The following STK31 variants were observed in gnomAD, a reference collection of about 807,000 sequenced individuals.
The protein encoded by STK31 is serine/threonine kinase 31, also known as serine/threonine-protein kinase 31.
Under a neutral mutation model 129.7 loss-of-function variants are expected in STK31, and 89 were observed. That is an observed-to-expected ratio of 0.69 (90% CI 0.58 to 0.82). The LOEUF is 0.82. Among genes scored for constraint, STK31 ranks in the 40% least tolerant of loss-of-function variants. The probability of loss-of-function intolerance (pLI) is 0.00; values close to 1 mark genes in which losing one functional copy is unlikely to be tolerated. For missense variants in STK31, 1,187 were observed against 1,176.4 expected, an observed-to-expected ratio of 1.01 and a Z score of -0.13; for synonymous variants, 448 against 395.3, an observed-to-expected ratio of 1.13 and a Z score of -1.58.
intron 18 of STK31, 74 bp downstream of exon 18, chr7:23,785,677 A>T (rs1195123686): frequency 2.8e-5 from 43 of 1,516,724 alleles, no homozygotes; most frequent in Middle Eastern, 3.5e-4. Context: ...ATTTCAAGAA[A>T]GAAAAAACCT....
In STK31 at chr7:23,810,352, ATC is replaced by A. The variant is rs1266964113; in HGVS notation, c.2761-4788_2761-4787del. Among the ~76,000 whole-genome samples, 7 of 151,092 alleles carry A rather than the reference ATC, an allele frequency of 4.6e-5. No homozygotes were observed. The South Asian group carries it at 1.5e-3, about 31-fold the overall frequency. On this transcript the variant is annotated intron_variant, in intron 22 of 23. Coordinates refer to ENST00000355870, the MANE Select transcript of STK31 (RefSeq NM_031414.5). ...CATTGTTTTTTATTTACTCTTGCTG[ATC>A]TCTGTCTTTTAATTGGGGTTTTTAG...
rs568866929 is a variant in STK31, at chr7:23,726,952, A to AT, written c.250-278dup. On this transcript the variant is annotated intron_variant, in intron 4 of 23. Transcript: ENST00000355870. ...GTGTTTGATGCTTGTGCCTTAAAAA[A>AT]TTTTTTTTTTTGCTTTTTATACCCC... Among the ~76,000 whole-genome samples the AT allele has an allele frequency of 3.9e-3, 578 of 148,238 alleles. 3 individuals are homozygous for AT. The highest frequency in any genetic ancestry group is 1.0e-2 in the Admixed American group (148 of 14,830).
chr7:23,795,628 C>T (rs1338694718), intron 22 of STK31, among the ~76,000 whole-genome samples: 1 of 152,188 alleles, frequency 6.6e-6, no homozygotes, highest in Non-Finnish European at 1.5e-5. Context: ...AACAGACACT[C>T]AATGCCAGCC....
chr7:23,767,534 C>G (rs1789907176), intron 11 of STK31, among the ~76,000 whole-genome samples: 2 of 152,198 alleles, frequency 1.3e-5, no homozygotes, highest in South Asian at 4.1e-4. Context: ...TTCCCTCTGC[C>G]TCAGCTACTG....
intron 23 of STK31, among the ~76,000 whole-genome samples, chr7:23,823,046 G>A (rs187455273): frequency 1.2e-4 from 18 of 152,170 alleles, no homozygotes; most frequent in Non-Finnish European, 2.1e-4. Context: ...GAATAGTGCC[G>A]CAATAAACGT....
chr7:23,762,096 T>C (rs1206811863), intron 10 of STK31, among the ~76,000 whole-genome samples: 3 of 151,704 alleles, frequency 2.0e-5, no homozygotes, highest in Non-Finnish European at 4.4e-5. Flanking sequence ...TTTATTTCAT[T>C]TTATTATTAT....
At chr7:23,729,394 A>G (rs544159236) in intron 6 of STK31, 145 bp downstream of exon 6, 1 of 700,394 alleles carries the variant, frequency 1.4e-6, no homozygotes, top group South Asian at 2.8e-5. Flanking sequence ...AAGCAATTAT[A>G]TATTTATGCT....
At chr7:23,757,607 G>A (rs1317625498) in intron 10 of STK31, among the ~76,000 whole-genome samples, 3 of 152,150 alleles carry the variant, frequency 2.0e-5, no homozygotes, top group African/African-American at 4.8e-5. Flanking sequence ...CCTTAAGGTG[G>A]TTTTCTCCTG....
At chr7:23,715,970 T>A (rs187987291) in intron 3 of STK31, among the ~76,000 whole-genome samples, 6 of 152,302 alleles carry the variant, frequency 3.9e-5, no homozygotes, top group Non-Finnish European at 8.8e-5. Context: ...CTTCCTTTAA[T>A]GCTAATGTGT....
chr7:23,727,531 G>A, intron 5 of STK31: 1 of 342,556 alleles, frequency 2.9e-6, no homozygotes, highest in South Asian at 4.7e-5. Flanking sequence ...GTTATTTTTG[G>A]TGACTAGTTA....
intron 12 of STK31, 21 bp from the exon 13 acceptor site, chr7:23,769,619 G>A (rs1221008157): frequency 6.9e-7 from 1 of 1,454,796 alleles, no homozygotes; most frequent in East Asian, 2.3e-5. Flanking sequence ...GATATTTCAT[G>A]TGTTTATTTT....
chr7:23,720,027 C>T (rs1163016115), intron 4 of STK31, among the ~76,000 whole-genome samples: 3 of 152,068 alleles, frequency 2.0e-5, no homozygotes, highest in Non-Finnish European at 4.4e-5. Flanking sequence ...TGTCTGTTTT[C>T]AGGCCTTACT....
chr7:23,771,840 T>A (rs1278738701), intron 14 of STK31: 1 of 169,794 alleles, frequency 5.9e-6, no homozygotes. Flanking sequence ...ATGATTTCAG[T>A]TTACATCCTC....
At chr7:23,797,951 G>A (rs4282458) in intron 22 of STK31, among the ~76,000 whole-genome samples, 84,408 of 151,616 alleles carry the variant, frequency 0.56, 23,559 homozygotes, top group East Asian at 0.64. Flanking sequence ...CCAAGCTACC[G>A]TCACAGAATG....
intron 22 of STK31, among the ~76,000 whole-genome samples, chr7:23,811,849 A>AC (rs773082251): frequency 1.5e-4 from 23 of 152,292 alleles, no homozygotes; most frequent in Non-Finnish European, 2.9e-4. Flanking sequence ...TCAGCATTTC[A>AC]CCATTTTGAG....
intron 10 of STK31, among the ~76,000 whole-genome samples, chr7:23,756,733 A>C (rs1404127080): frequency 6.6e-6 from 1 of 152,214 alleles, no homozygotes; most frequent in Non-Finnish European, 1.5e-5. Context: ...CCCTTTCTGC[A>C]TCTATTGAGA....
chr7:23,781,665 T>C (rs1790933623), intron 16 of STK31, 145 bp downstream of exon 16: 1 of 525,736 alleles, frequency 1.9e-6, no homozygotes, highest in Admixed American at 3.9e-5. Flanking sequence ...GTAAGATTTT[T>C]GTAAATTTAG....
intron 4 of STK31, among the ~76,000 whole-genome samples, chr7:23,719,268 A>G (rs1194087490): frequency 2.0e-5 from 3 of 152,158 alleles, no homozygotes; most frequent in African/African-American, 2.4e-5. Context: ...GTATGCAATG[A>G]TCATGAAAAT....
At chr7:23,723,343 A>T (rs967587207) in intron 4 of STK31, among the ~76,000 whole-genome samples, 9 of 152,202 alleles carry the variant, frequency 5.9e-5, no homozygotes, top group Admixed American at 3.9e-4. Flanking sequence ...TTTCTTTCAG[A>T]GACTATGTCT....
Sources: gnomAD v4.1 joint callset for allele counts (sites outside exome capture counted in the v4.1 genomes callset) on GRCh38, gnomAD v4.1.1 for gene constraint, MANE v1.5 for transcripts, NCBI Gene and HGNC (gene_info 2026-07-23, HGNC 2026-07-21) for gene names.